Variants in ABR observed in about 807,000 individuals in gnomAD.
The protein encoded by ABR is active breakpoint cluster region-related protein.
In ABR, 35 loss-of-function variants were observed where a neutral mutation model predicts 107.2. The ratio of observed to expected loss-of-function variants is 0.33; its 90% confidence interval spans 0.25 to 0.43. ABR has a LOEUF of 0.43. Among genes scored for constraint, ABR ranks in the 20% least tolerant of loss-of-function variants. The pLI is 1.00. For missense variants in ABR, 815 were observed against 1,115.2 expected, an observed-to-expected ratio of 0.73 and a Z score of 3.83; for synonymous variants, 498 against 462.0, an observed-to-expected ratio of 1.08 and a Z score of -1.00.
At chr17:1,068,412 A>C (rs1274318207) in intron 9 of ABR, among the ~76,000 whole-genome samples, 1 of 151,870 alleles carries the variant, frequency 6.6e-6, no homozygotes, top group Non-Finnish European at 1.5e-5. Flanking sequence ...TGGTGGTGTA[A>C]CACACTGGCT....
At chr17:1,173,264 C>T (rs544590004) in intron 1 of ABR, among the ~76,000 whole-genome samples, 93 of 122,988 alleles carry the variant, frequency 7.6e-4, no homozygotes, top group Non-Finnish European at 1.2e-3. Context: ...CTCAGCCCAC[C>T]CAACACATCA....
At chr17:1,172,418 T>C (rs114037199) in intron 1 of ABR, among the ~76,000 whole-genome samples, 2,579 of 152,238 alleles carry the variant, frequency 0.017, 91 homozygotes, top group African/African-American at 0.059. Context: ...CCCAGCAGCG[T>C]CATGTCCCCA....
chr17:1,062,253 G>A (rs1231759827), intron 10 of ABR, among the ~76,000 whole-genome samples: 2 of 151,688 alleles, frequency 1.3e-5, no homozygotes, highest in Non-Finnish European at 2.9e-5. Flanking sequence ...GTGAACTGAG[G>A]GCTATGCATG....
chr17:1,142,609 A>C (rs1362190201), intron 1 of ABR, among the ~76,000 whole-genome samples: 4 of 151,714 alleles, frequency 2.6e-5, no homozygotes, highest in Admixed American at 1.3e-4. Context: ...AAATACTCTG[A>C]AGCAGCCTAT....
chr17:1,074,434 A>G (rs994811129), intron 6 of ABR, among the ~76,000 whole-genome samples: 1 of 151,286 alleles, frequency 6.6e-6, no homozygotes, highest in African/African-American at 2.4e-5. Flanking sequence ...AGCTCCACCC[A>G]GCCATGCCCT....
At chr17:1,067,699 G>A (rs1465835900) in intron 9 of ABR, among the ~76,000 whole-genome samples, 1 of 152,142 alleles carries the variant, frequency 6.6e-6, no homozygotes, top group Non-Finnish European at 1.5e-5. Context: ...GTCAACACTG[G>A]GTGGAGGATT....
intron 2 of ABR, among the ~76,000 whole-genome samples, chr17:1,106,195 C>CG: frequency 6.6e-6 from 1 of 152,068 alleles, no homozygotes; most frequent in South Asian, 2.1e-4. Context: ...CCTCTGCCCC[C>CG]CAGGAAGATG....
intron 16 of ABR, among the ~76,000 whole-genome samples, chr17:1,038,090 C>G (rs1432169704): frequency 6.6e-6 from 1 of 151,804 alleles, no homozygotes; most frequent in African/African-American, 2.4e-5. Context: ...GGACGTGGGG[C>G]CCACTGGCTC....
At chr17:1,206,852 AGGTGGGTG>A (rs1301320377) in intron 1 of ABR, among the ~76,000 whole-genome samples, 1 of 152,188 alleles carries the variant, frequency 6.6e-6, no homozygotes, top group Non-Finnish European at 1.5e-5. Context: ...TGGGAGACCA[AGGTGGGTG>A]GATCACCTGA....
intron 2 of ABR, among the ~76,000 whole-genome samples, chr17:1,104,830 G>A (rs2038136093): frequency 6.6e-6 from 1 of 152,140 alleles, no homozygotes; most frequent in Non-Finnish European, 1.5e-5. Context: ...TCTCCTGAAG[G>A]GTGGATCCCC....
intron 1 of ABR, among the ~76,000 whole-genome samples, chr17:1,159,082 G>A (rs1446358659): frequency 6.6e-6 from 1 of 152,244 alleles, no homozygotes; most frequent in African/African-American, 2.4e-5. Context: ...GTTTTGAAAT[G>A]CGTAAAACTA....
At chr17:1,034,710 T>C (rs2073038605) in intron 16 of ABR, among the ~76,000 whole-genome samples, 1 of 152,150 alleles carries the variant, frequency 6.6e-6, no homozygotes, top group Non-Finnish European at 1.5e-5. Flanking sequence ...GATGCCATTA[T>C]AACTGCTCTC....
intron 2 of ABR, among the ~76,000 whole-genome samples, chr17:1,112,866 C>A (rs892740594): frequency 9.8e-5 from 14 of 143,298 alleles, no homozygotes; most frequent in Non-Finnish European, 1.5e-5. Context: ...TTCCCTCCTT[C>A]CCTGACCCAA....
Position 1,037,974 on chromosome 17 carries a change from C to T in ABR, c.1791+12076G>A, listed in dbSNP as rs56405622. The stretch of plus-strand genomic sequence containing the variant: ...GGTGAGATTTCTTTTCTGCTGAGGA[C>T]GCACCCCTGCCGTTTTTTCCAAATG... On this transcript the variant is annotated intron_variant, in intron 16 of 22. Transcript: ENST00000302538. This position sits in a 1 kb window ranked among gnomAD's most constrained non-coding sequence, Gnocchi z 4.6. Among the ~76,000 whole-genome samples, 34,725 of 152,128 alleles carry T rather than the reference C, an allele frequency of 0.23. 4,699 individuals are homozygous for T. Among genetic ancestry groups the T allele is most frequent in the Non-Finnish European group, 0.3 (20,389 of 67,984 alleles).
intron 16 of ABR, among the ~76,000 whole-genome samples, chr17:1,028,379 G>A (rs534959530): frequency 5.3e-5 from 8 of 152,156 alleles, no homozygotes; most frequent in South Asian, 2.1e-4. Context: ...GATGACAGGC[G>A]TGAGCCACCA....
At chr17:1,171,502 T>A (rs1046838516) in intron 1 of ABR, among the ~76,000 whole-genome samples, 1 of 152,182 alleles carries the variant, frequency 6.6e-6, no homozygotes, top group Admixed American at 6.5e-5. Context: ...GGCTCTGGTT[T>A]ACCTGAGGCC....
intron 16 of ABR, among the ~76,000 whole-genome samples, chr17:1,029,577 C>G (rs892818321): frequency 6.6e-6 from 1 of 152,186 alleles, no homozygotes; most frequent in Non-Finnish European, 1.5e-5. Context: ...ATGAGGCAAT[C>G]CCTCCTGCCA....
At chr17:1,056,932 G>T (rs1281025162) in intron 13 of ABR, 66 bp downstream of exon 13, 2 of 1,123,230 alleles carry the variant, frequency 1.8e-6, no homozygotes, top group Admixed American at 3.5e-5. Flanking sequence ...GAGTCCTTAC[G>T]GGAAGCCGGC....
At position 1,027,438 on chromosome 17, in the gene ABR, C is replaced by T. The variant is rs1033425891; in HGVS notation, c.1792-14274G>A. ...CTCTGTGTCTGAGTGGCCTCCAGAA[C>T]CTTCATCAGATTCTCAGAGTCCAGG... On this transcript the variant is annotated intron_variant, in intron 16 of 22. Coordinates refer to ENST00000302538, the MANE Select transcript of ABR (RefSeq NM_021962.5). This position sits in a 1 kb window ranked among gnomAD's most constrained non-coding sequence, Gnocchi z 4.7. Among the ~76,000 whole-genome samples the T allele has an allele frequency of 2.9e-4, 44 of 152,194 alleles. No homozygotes were observed. The highest frequency in any genetic ancestry group is 5.9e-5 in the Non-Finnish European group (4 of 68,026).
Sources: gnomAD v4.1 joint callset for allele counts (sites outside exome capture counted in the v4.1 genomes callset) on GRCh38, gnomAD v4.1.1 for gene constraint, Gnocchi (gnomAD v3.1) non-coding constraint, MANE v1.5 for transcripts, NCBI Gene and HGNC (gene_info 2026-07-23, HGNC 2026-07-21) for gene names.